The following CADM2 variants were observed in gnomAD, a reference collection of about 807,000 sequenced individuals.
CADM2 encodes cell adhesion molecule 2.
In CADM2, 12 loss-of-function variants were observed where a neutral mutation model predicts 49.8. The observed-to-expected ratio is 0.24, with a 90% CI of 0.15 to 0.39. The LOEUF (loss-of-function observed/expected upper bound fraction) is 0.39, where lower values mean the gene tolerates loss of function less well. Ranked by LOEUF, CADM2 falls within the 10% of genes least tolerant of loss-of-function variation. The pLI is 1.00. For synonymous variants in CADM2, 214 were observed against 175.4 expected, an observed-to-expected ratio of 1.22 and a Z score of -1.74; for missense variants, 378 against 492.3, an observed-to-expected ratio of 0.77 and a Z score of 2.20.
chr3:85,768,098 T>C (rs1157789518), intron 2 of CADM2, among the ~76,000 whole-genome samples: 1 of 152,194 alleles, frequency 6.6e-6, no homozygotes, highest in Non-Finnish European at 1.5e-5. Context: ...TATTAATTCC[T>C]TTACCATAAG....
At chr3:85,162,372 C>A (rs138730961) in intron 1 of CADM2, among the ~76,000 whole-genome samples, 1 of 152,164 alleles carries the variant, frequency 6.6e-6, no homozygotes, top group Non-Finnish European at 1.5e-5. Context: ...GATCATTATG[C>A]AATAAATAAT....
chr3:85,845,432 A>G (rs1011222971), intron 3 of CADM2, among the ~76,000 whole-genome samples: 3 of 152,162 alleles, frequency 2.0e-5, no homozygotes, highest in African/African-American at 7.2e-5. Flanking sequence ...ACTATGTTCA[A>G]TCCAGATCAC....
intron 3 of CADM2, among the ~76,000 whole-genome samples, chr3:85,852,847 A>C (rs1451117036): frequency 6.6e-6 from 1 of 152,080 alleles, no homozygotes; most frequent in African/African-American, 2.4e-5. Flanking sequence ...CACTCCTTGT[A>C]GCCCCATCAT....
At chr3:85,428,328 A>C (rs1352461935) in intron 1 of CADM2, among the ~76,000 whole-genome samples, 1 of 146,642 alleles carries the variant, frequency 6.8e-6, no homozygotes, top group Non-Finnish European at 1.5e-5. Flanking sequence ...TATGATATAT[A>C]ATATATATAT....
At chr3:85,396,997 G>C (rs1285803336) in intron 1 of CADM2, among the ~76,000 whole-genome samples, 1 of 151,918 alleles carries the variant, frequency 6.6e-6, no homozygotes, top group African/African-American at 2.4e-5. Flanking sequence ...GAAAATATTT[G>C]CACAGCAAAT....
At chr3:85,453,070 A>G (rs985932335) in intron 1 of CADM2, among the ~76,000 whole-genome samples, 11 of 152,308 alleles carry the variant, frequency 7.2e-5, no homozygotes, top group Middle Eastern at 3.4e-3. Flanking sequence ...AAAAATGCCA[A>G]TATTATAAAA....
chr3:85,983,876 A>T (rs532575334), intron 8 of CADM2, among the ~76,000 whole-genome samples: 1 of 151,516 alleles, frequency 6.6e-6, no homozygotes, highest in Non-Finnish European at 1.5e-5. Flanking sequence ...CAGTTCATAT[A>T]CTTTTCATGA....
rs377151429 is a variant in CADM2, at chr3:86,042,700, A to C, written c.971-22905A>C. Among the ~76,000 whole-genome samples the C allele has an allele frequency of 5.9e-3, 897 of 152,286 alleles. 9 individuals are homozygous for C. The highest frequency in any genetic ancestry group is 0.05 in the East Asian group (257 of 5,168). ...TCTGAAACTATTCCAATCAATAGAAAAAGAGGGAATCCTCCCTAACTCATT... is the reference window on the plus strand; with the variant it reads ...TCTGAAACTATTCCAATCAATAGAACAAGAGGGAATCCTCCCTAACTCATT... On this transcript the variant is annotated intron_variant, in intron 8 of 9. Coordinates refer to ENST00000383699, the MANE Select transcript of CADM2 (RefSeq NM_001167675.2).
chr3:85,352,155 G>C (rs1406642346), intron 1 of CADM2, among the ~76,000 whole-genome samples: 1 of 152,018 alleles, frequency 6.6e-6, no homozygotes, highest in Non-Finnish European at 1.5e-5. Flanking sequence ...TTCTTAAAAG[G>C]TTAACAATTA....
At chr3:85,000,689 GT>G (rs1231767746) in intron 1 of CADM2, among the ~76,000 whole-genome samples, 1 of 151,462 alleles carries the variant, frequency 6.6e-6, no homozygotes, top group South Asian at 2.1e-4. Flanking sequence ...CTTGGTTGTT[GT>G]TTTTTTTAAT....
chr3:85,449,145 T>C (rs1164167782), intron 1 of CADM2, among the ~76,000 whole-genome samples: 1 of 150,858 alleles, frequency 6.6e-6, no homozygotes, highest in East Asian at 1.9e-4. Flanking sequence ...AGAATTTTTG[T>C]ATATAAAGAG....
rs1237971684 is a variant in CADM2 at position 84,959,509 on chromosome 3, C to CCGGGAGGAGGACA, written c.-97_-85dup. 7.4e-6 allele frequency: 9 copies of CCGGGAGGAGGACA among 1,209,414 alleles called. No individual in the cohort carries two copies. The highest frequency in any genetic ancestry group is 1.0e-5 in the Non-Finnish European group (9 of 861,806). The allele number at this position is 1,209,414 out of a possible 1,614,324, so 74.9% of individuals were successfully genotyped here. On this transcript the variant is annotated 5_prime_UTR_variant, in exon 1 of 10. Transcript: ENST00000383699. ...GTGGGGACGGTGGGTCCGGCGGGCG[C>CCGGGAGGAGGACA]CGGGAGGAGGACACCAGCGGAGCCC... is the stretch of plus-strand genomic sequence containing the variant.
intron 2 of CADM2, among the ~76,000 whole-genome samples, chr3:85,745,378 A>G (rs1046619306): frequency 4.6e-5 from 7 of 152,160 alleles, no homozygotes; most frequent in Non-Finnish European, 1.0e-4. Context: ...CTAGTTGACC[A>G]TAAGTGTTGT....
At chr3:85,797,306 T>G (rs188023601) in intron 2 of CADM2, among the ~76,000 whole-genome samples, 1 of 152,222 alleles carries the variant, frequency 6.6e-6, no homozygotes, top group Non-Finnish European at 1.5e-5. Flanking sequence ...GTGCAGAACG[T>G]GCAGGTTTGT....
chr3:85,143,954 C>T (rs921521178), intron 1 of CADM2, among the ~76,000 whole-genome samples: 4 of 152,174 alleles, frequency 2.6e-5, no homozygotes, highest in Admixed American at 2.6e-4. Flanking sequence ...AATTCATCTT[C>T]AGTTATACTC....
At chr3:85,100,428 A>G (rs1460210102) in intron 1 of CADM2, among the ~76,000 whole-genome samples, 1 of 152,200 alleles carries the variant, frequency 6.6e-6, no homozygotes, top group Admixed American at 6.6e-5. Flanking sequence ...CATTTTCCAA[A>G]ACATGCCTTA....
intron 1 of CADM2, among the ~76,000 whole-genome samples, chr3:85,147,468 T>C (rs1192960344): frequency 6.6e-6 from 1 of 151,968 alleles, no homozygotes; most frequent in East Asian, 1.9e-4. Context: ...AAATAATATA[T>C]GTGATTACCC....
chr3:85,076,578 C>T (rs976388200), intron 1 of CADM2, among the ~76,000 whole-genome samples: 4 of 151,920 alleles, frequency 2.6e-5, no homozygotes, highest in Non-Finnish European at 4.4e-5. Flanking sequence ...AACTCCTGAC[C>T]TCAGGTGATC....
At chr3:85,408,946 A>C (rs1576500357) in intron 1 of CADM2, among the ~76,000 whole-genome samples, 1 of 152,218 alleles carries the variant, frequency 6.6e-6, no homozygotes, top group South Asian at 2.1e-4. Flanking sequence ...AATCTAAAAA[A>C]AAACTACATT....
Sources: allele counts gnomAD v4.1 joint callset (sites outside exome capture counted in the v4.1 genomes callset), GRCh38; gene constraint gnomAD v4.1.1; transcripts MANE v1.5; gene names NCBI Gene and HGNC (gene_info 2026-07-23, HGNC 2026-07-21).